The following P2RX2 variants were observed in gnomAD, a reference collection of about 807,000 sequenced individuals.
P2RX2 encodes P2X purinoceptor 2.
Under a neutral mutation model 54.8 loss-of-function variants are expected in P2RX2, and 50 were observed. The observed-to-expected ratio is 0.91, with a 90% CI of 0.73 to 1.15. The LOEUF is 1.15. P2RX2 is among the 50% of genes most tolerant of loss of function. The pLI is 0.00. For synonymous variants in P2RX2, 289 were observed against 259.4 expected, an observed-to-expected ratio of 1.11 and a Z score of -1.09; for missense variants, 658 against 633.2, an observed-to-expected ratio of 1.04 and a Z score of -0.42.
At chr12:132,620,686 C>A in intron 7 of P2RX2, 103 bp downstream of exon 7, 3 of 1,283,876 alleles carry the variant, frequency 2.3e-6, no homozygotes, top group South Asian at 1.3e-5. Context: ...GACCAGCTGG[C>A]CCCGCTCAGG....
Position 132,620,907 on chromosome 12 carries a change from TTGTGACCCCCTTC to T in P2RX2, c.775-93_775-81del, listed in dbSNP as rs2138382476. On this transcript the variant is annotated intron_variant, in intron 7 of 10. Coordinates refer to ENST00000643471, the MANE Select transcript of P2RX2 (RefSeq NM_170682.4). ...CTCTCGAGGGGCCTCTCGTGTGCCC[TTGTGACCCCCTTC>T]CCTGGCCTGGGACTGACCCGGGCTC... The T allele has an allele frequency of 2.5e-3, 434 of 174,744 alleles. 156 individuals carry two copies. Among genetic ancestry groups the T allele is most frequent in the South Asian group, 0.011 (84 of 7,662 alleles). The allele number at this position is 174,744 out of a possible 1,614,324, so 10.8% of individuals were successfully genotyped here.
chr12:132,619,585 C>G lies in P2RX2; in HGVS notation c.309+11C>G. The G allele has an allele frequency of 6.2e-7, 1 of 1,602,234 alleles. No homozygotes were observed. The highest frequency in any genetic ancestry group is 8.5e-7 in the Non-Finnish European group (1 of 1,171,996). On this transcript the variant is annotated intron_variant, in intron 2 of 10. Transcript: ENST00000643471. ...GTGAAGCCCCCCGAGGTGCGGGCCG[C>G]CCCCTGCCCCCCGCCCCGCCGTGCA...
Position 132,618,938 on chromosome 12 carries a change from TG to T in P2RX2, c.127del (p.Val43SerfsTer57), listed in dbSNP as rs1241893698. The T allele has an allele frequency of 6.9e-6, 9 of 1,312,734 alleles. No homozygotes were observed. In the South Asian group the frequency reaches 9.8e-5, roughly 14 times the overall value. 81.3% of individuals were successfully genotyped at this position (1,312,734 alleles called of 1,614,324 possible). A position where few individuals can be genotyped will look rare whatever the true frequency, so the allele number is the denominator to read the frequency against. ...GTGATCGTGGTGAGGAACCGGCGCC[TG>T]GGGGTCCTGTACCGCGCCGTGCAGC... ...PKVIVVRNRRLGVLYRAVQLL... is the reference protein window; with the variant it reads ...PKVIVVRNRRXGVLYRAVQLL... On this transcript the variant is annotated frameshift_variant, in exon 1 of 11. Transcript: ENST00000643471. LOFTEE classifies it high-confidence loss of function.
At chr12:132,621,567 C>T (rs138785836) in intron 10 of P2RX2, 27 bp downstream of exon 10, 5 of 1,596,412 alleles carry the variant, frequency 3.1e-6, no homozygotes, top group Admixed American at 1.7e-5. Flanking sequence ...GGGGTCCCAG[C>T]GGGTGCGGGG....
rs1437841625 is a variant in P2RX2, at chr12:132,619,536, A to G, written c.271A>G (p.Lys91Glu). The G allele has an allele frequency of 3.1e-6, 5 of 1,611,926 alleles. No individual in the cohort carries two copies. The East Asian group carries it at 8.9e-5, about 29-fold the overall frequency. ...KVKGITTSEHKVWDVEEYVKP... is the reference protein window; with the variant it reads ...KVKGITTSEHEVWDVEEYVKP... Reference sequence around the variant, plus strand: ...CAAGGGGATCACCACGTCCGAGCACAAAGTGTGGGACGTGGAGGAGTACGT... The same window carrying G: ...CAAGGGGATCACCACGTCCGAGCACGAAGTGTGGGACGTGGAGGAGTACGT... Residue 91 changes from lysine (K) to glutamate (E), a missense_variant, in exon 2 of 11, where the codon AAA becomes GAA. By Grantham distance (56) the Lys-to-Glu change is moderately conservative (BLOSUM62 1). Transcript: ENST00000643471.
chr12:132,621,412 C>T (rs1447641767), intron 9 of P2RX2, 63 bp from the exon 10 acceptor site: 1 of 1,603,234 alleles, frequency 6.2e-7, no homozygotes, highest in Non-Finnish European at 8.5e-7. Flanking sequence ...TCACGCCCCA[C>T]CCCTCCCTTA....
chr12:132,620,892 G>A, intron 7 of P2RX2, 109 bp from the exon 8 acceptor site: 2 of 476,394 alleles, frequency 4.2e-6, no homozygotes, highest in South Asian at 4.8e-5. Flanking sequence ...CTCTCGAGGG[G>A]CCTCTCGTGT....
chr12:132,619,954 G>GGGGGGC, intron 4 of P2RX2, 35 bp downstream of exon 4: 7 of 1,262,186 alleles, frequency 5.5e-6, no homozygotes, highest in Non-Finnish European at 6.8e-6. Flanking sequence ...GGCGGGTGGG[G>GGGGGGC]CAGGGCTGCG....
rs7314492 is a variant in P2RX2 at position 132,618,781 on chromosome 12, T to C, written c.-36T>C. On this transcript the variant is annotated 5_prime_UTR_variant, in exon 1 of 11. Coordinates refer to ENST00000643471, the MANE Select transcript of P2RX2 (RefSeq NM_170682.4). Reference sequence around the variant, plus strand: ...GCGCAGCGGGGCCGACCCTCAGCCCTGCAGCGCCTTCCTGGAGGTGGGGGC... The same window carrying C: ...GCGCAGCGGGGCCGACCCTCAGCCCCGCAGCGCCTTCCTGGAGGTGGGGGC... The C allele has an allele frequency of 0.12, 140,852 of 1,196,890 alleles. 9,071 individuals carry two copies. The highest frequency in any genetic ancestry group is 0.22 in the East Asian group (6,009 of 27,492). The allele number at this position is 1,196,890 out of a possible 1,614,324, so 74.1% of individuals were successfully genotyped here. A position where few individuals can be genotyped will look rare whatever the true frequency, so the allele number is the denominator to read the frequency against.
chr12:132,620,892 GCCTCT>G, intron 7 of P2RX2, 104 bp from the exon 8 acceptor site: 2 of 476,394 alleles, frequency 4.2e-6, no homozygotes, highest in South Asian at 4.8e-5. Context: ...CTCTCGAGGG[GCCTCT>G]CGTGTGCCCT....
chr12:132,619,021 T>C (rs1216997489), intron 1 of P2RX2, 32 bp downstream of exon 1: 2 of 954,014 alleles, frequency 2.1e-6, no homozygotes, highest in Non-Finnish European at 2.5e-6. Context: ...GGGCGCGGGG[T>C]GCGGGGCGCA....
Position 132,621,541 on chromosome 12 carries a change from G to C in P2RX2, c.1062+1G>C. 1 of 1,579,212 alleles carries C rather than the reference G, an allele frequency of 6.3e-7. No individual in the cohort carries two copies. ...CACAGCTCTGACTTCCGTCGGGGTG[G>C]TAAGGAACCCTCTCTGGGGTCCCAG... On this transcript the variant is annotated splice_donor_variant, in intron 10 of 10. Coordinates refer to ENST00000643471, the MANE Select transcript of P2RX2 (RefSeq NM_170682.4). LOFTEE classifies it high-confidence loss of function.
rs556199359 is a variant in P2RX2, at chr12:132,621,285, C to T, written c.936C>T (p.Thr312=). The T allele has an allele frequency of 1.4e-4, 231 of 1,613,916 alleles. No homozygotes were observed. The highest frequency in any genetic ancestry group is 1.9e-4 in the Non-Finnish European group (224 of 1,179,978). ...CCAAATACTACAAGATCAATGGCAC[C>T]ACCACCCGCACGCTCATCAAGGCCT... The part of the protein sequence containing the change: ...RFAKYYKING[T]TTRTLIKAYG... The change falls in exon 9 of 11, where the codon ACC becomes ACT. Residue 312 remains threonine (T), a synonymous_variant. Coordinates refer to ENST00000643471, the MANE Select transcript of P2RX2 (RefSeq NM_170682.4).
rs759308676 is a variant in P2RX2 at position 132,618,855 on chromosome 12, C to G, written c.39C>G (p.Thr13=). Residue 13 remains threonine, a synonymous_variant, in exon 1 of 11, where the codon ACC becomes ACG. Coordinates refer to ENST00000643471, the MANE Select transcript of P2RX2 (RefSeq NM_170682.4). ...AGCCCAAGTACCCCGCCGGGGCGACCGCCCGGCGCCTGGCCCGGGGCTGCT... is the reference window on the plus strand; with the variant it reads ...AGCCCAAGTACCCCGCCGGGGCGACGGCCCGGCGCCTGGCCCGGGGCTGCT... The part of the protein sequence containing the change: ...AAQPKYPAGA[T]ARRLARGCWS... 10 of 1,365,124 alleles carry G rather than the reference C, an allele frequency of 7.3e-6. No individual in the cohort carries two copies. The highest frequency in any genetic ancestry group is 4.0e-5 in the South Asian group (2 of 50,038). 84.6% of individuals were successfully genotyped at this position (1,365,124 alleles called of 1,614,324 possible). A position where few individuals can be genotyped will look rare whatever the true frequency, so the allele number is the denominator to read the frequency against.
chr12:132,620,903 GCC>G lies in P2RX2; in HGVS notation c.775-96_775-95del. 20 of 175,328 alleles carry G rather than the reference GCC, an allele frequency of 1.1e-4. 4 individuals are homozygous for G. The highest frequency in any genetic ancestry group is 9.8e-4 in the African/African-American group (2 of 2,032). The allele number at this position is 175,328 out of a possible 1,614,324, so 10.9% of individuals were successfully genotyped here. A position where few individuals can be genotyped will look rare whatever the true frequency, so the allele number is the denominator to read the frequency against. On this transcript the variant is annotated intron_variant, in intron 7 of 10. Transcript: ENST00000643471. ...CGGGCTCTCGAGGGGCCTCTCGTGTGCCCTTGTGACCCCCTTCCCTGGCCTGG... is the reference window on the plus strand; with the variant it reads ...CGGGCTCTCGAGGGGCCTCTCGTGTGCTTGTGACCCCCTTCCCTGGCCTGG...
intron 8 of P2RX2, 59 bp downstream of exon 8, chr12:132,621,190 G>A (rs1012579569): frequency 2.5e-5 from 41 of 1,613,796 alleles, no homozygotes; most frequent in Non-Finnish European, 3.3e-5. Flanking sequence ...GTCCCGAGAG[G>A]CCCAATGCCT....
In P2RX2 at chr12:132,621,829, C is replaced by T. The variant is rs146366658; in HGVS notation, c.1273C>T (p.Gln425Ter). ...PSPPSGQEGQQGAECGPAFPP... is the reference protein window; with the variant it reads ...PSPPSGQEGQ ...CCCTCCATCAGGCCAGGAGGGCCAACAAGGGGCAGAGTGTGGCCCAGCCTT... is the reference window on the plus strand; with the variant it reads ...CCCTCCATCAGGCCAGGAGGGCCAATAAGGGGCAGAGTGTGGCCCAGCCTT... The change falls in exon 11 of 11, where the codon CAA becomes TAA. Residue 425 changes from glutamine (Q) to a stop codon, truncating the protein, a stop_gained. Coordinates refer to ENST00000643471, the MANE Select transcript of P2RX2 (RefSeq NM_170682.4). LOFTEE classifies it high-confidence loss of function. 6 of 1,610,854 alleles carry T rather than the reference C, an allele frequency of 3.7e-6. No individual in the cohort carries two copies. The African/African-American group carries it at 8.0e-5, about 22-fold the overall frequency.
At position 132,619,709 on chromosome 12, in the gene P2RX2, G is replaced by T. The variant is rs1199199574; in HGVS notation, c.340G>T (p.Val114Phe). ...CAGCGTGTTCAGCATCATCACCAGGGTCGAGGCCACCCACTCCCAGACCCA... is the reference window on the plus strand; with the variant it reads ...CAGCGTGTTCAGCATCATCACCAGGTTCGAGGCCACCCACTCCCAGACCCA... The part of the protein sequence containing the change: ...GGSVFSIITR[V>F]EATHSQTQGT... The change falls in exon 3 of 11, where the codon GTC becomes TTC. Residue 114 changes from valine to phenylalanine, a missense_variant. By Grantham distance (50) the Val-to-Phe change is conservative. Transcript: ENST00000643471. 6.2e-7 allele frequency: 1 copy of T among 1,604,730 alleles called. No homozygotes were observed. The highest frequency in any genetic ancestry group is 1.3e-5 in the African/African-American group (1 of 74,640).
At position 132,620,541 on chromosome 12, in the gene P2RX2, C is replaced by G; in HGVS notation, c.732C>G (p.Ile244Met). The change falls in exon 7 of 11, where the codon ATC becomes ATG. Residue 244 changes from isoleucine to methionine, a missense_variant. Coordinates refer to ENST00000643471, the MANE Select transcript of P2RX2 (RefSeq NM_170682.4). ...GCCCCATCTTCAAGCTGGGCTTTAT[C>G]GTGGAGAAGGCTGGGGAGAGCTTCA... ...LYCPIFKLGF[I>M]VEKAGESFTE... is the part of the protein sequence containing the mutation. 1 of 1,613,284 alleles carries G rather than the reference C, an allele frequency of 6.2e-7. No individual in the cohort carries two copies. The highest frequency in any genetic ancestry group is 8.5e-7 in the Non-Finnish European group (1 of 1,179,736).
Sources: allele counts gnomAD v4.1 joint callset, GRCh38; gene constraint gnomAD v4.1.1; transcripts MANE v1.5; gene names NCBI Gene and HGNC (gene_info 2026-07-23, HGNC 2026-07-21).